The following RHBDD1 variants were observed in gnomAD, a reference collection of about 807,000 sequenced individuals.
The protein encoded by RHBDD1 is rhomboid domain containing 1.
A neutral mutation model predicts 36.3 loss-of-function variants in RHBDD1; 38 were observed. The observed-to-expected ratio is 1.05, with a 90% CI of 0.81 to 1.37. The LOEUF (loss-of-function observed/expected upper bound fraction) is 1.37. RHBDD1 is among the 40% of genes most tolerant of loss of function. The pLI is 0.00. For synonymous variants in RHBDD1, 151 were observed against 136.5 expected (o/e 1.11, Z -0.74); for missense variants, 393 against 377.6 (o/e 1.04, Z -0.34).
chr2:226,848,122 T>C (rs1663835669), intron 3 of RHBDD1, among the ~76,000 whole-genome samples: 1 of 151,516 alleles, frequency 6.6e-6, no homozygotes, highest in South Asian at 2.1e-4. Context: ...TTAAAACGGA[T>C]TTTTTTTTAA....
chr2:226,857,373 TCA>T lies in RHBDD1; in HGVS notation c.-90-7228_-90-7227del, dbSNP rs367854150. Among the ~76,000 whole-genome samples, 64 of 152,220 alleles carry T rather than the reference TCA, an allele frequency of 4.2e-4. No individual in the cohort carries two copies. The South Asian group carries it at 9.3e-3, about 22-fold the overall frequency. On this transcript the variant is annotated intron_variant, in intron 3 of 8. Coordinates refer to ENST00000392062, the MANE Select transcript of RHBDD1 (RefSeq NM_001167608.3). ...AGGGTGTAGAAATTTGGAAAAAATTTCACAGTTACTCAGAAAGTTAAACATAA... is the reference window on the plus strand; with the variant it reads ...AGGGTGTAGAAATTTGGAAAAAATTTCAGTTACTCAGAAAGTTAAACATAA...
At chr2:226,813,209 CCA>C in the RHBDD1 span, among the ~76,000 whole-genome samples, 1 of 152,192 alleles carries the variant, frequency 6.6e-6, no homozygotes, top group Non-Finnish European at 1.5e-5. Flanking sequence ...ACAATACAAA[CCA>C]CACACACAAG....
At chr2:226,877,480 T>C (rs1301673746) in intron 5 of RHBDD1, among the ~76,000 whole-genome samples, 1 of 152,078 alleles carries the variant, frequency 6.6e-6, no homozygotes, top group African/African-American at 2.4e-5. Flanking sequence ...ATCTTATCAT[T>C]GACAACAAAT....
chr2:226,882,944 A>G (rs1284118702), intron 5 of RHBDD1, among the ~76,000 whole-genome samples: 1 of 152,156 alleles, frequency 6.6e-6, no homozygotes, highest in Admixed American at 6.5e-5. Flanking sequence ...GTTCTCTTAC[A>G]TCCCTTCTTA....
intron 8 of RHBDD1, among the ~76,000 whole-genome samples, chr2:226,971,571 G>T (rs80279835): frequency 0.015 from 2,271 of 152,280 alleles, 47 homozygotes; most frequent in African/African-American, 0.052. Flanking sequence ...CCACTTTCAG[G>T]TCATAATCCA....
intron 8 of RHBDD1, among the ~76,000 whole-genome samples, chr2:226,929,455 T>G (rs958210536): frequency 3.9e-5 from 6 of 152,068 alleles, no homozygotes; most frequent in African/African-American, 1.4e-4. Context: ...CAGCATCCAT[T>G]TATGATAAAA....
At chr2:226,965,491 A>G (rs1405266260) in intron 8 of RHBDD1, among the ~76,000 whole-genome samples, 1 of 152,248 alleles carries the variant, frequency 6.6e-6, no homozygotes, top group East Asian at 1.9e-4. Flanking sequence ...TCCAGGCAAG[A>G]GAGGACTGCG....
chr2:226,899,341 A>G (rs1835159), intron 5 of RHBDD1, among the ~76,000 whole-genome samples: 67,778 of 152,050 alleles, frequency 0.45, 15,273 homozygotes, highest in South Asian at 0.52. Flanking sequence ...TATCCCATAT[A>G]AATAATGTAT....
At chr2:226,866,303 C>T (rs1944333590) in intron 4 of RHBDD1, among the ~76,000 whole-genome samples, 1 of 152,172 alleles carries the variant, frequency 6.6e-6, no homozygotes, top group South Asian at 2.1e-4. Flanking sequence ...ATCTCTTGAC[C>T]TTGTGATTCA....
At chr2:226,842,098 T>C (rs2124980692) in intron 3 of RHBDD1, among the ~76,000 whole-genome samples, 1 of 152,368 alleles carries the variant, frequency 6.6e-6, no homozygotes, top group African/African-American at 2.4e-5. Flanking sequence ...ATGTTTTCTT[T>C]TGAGAAGTGT....
At chr2:226,829,048 C>T in the RHBDD1 span, among the ~76,000 whole-genome samples, 2 of 152,074 alleles carry the variant, frequency 1.3e-5, no homozygotes, top group Non-Finnish European at 2.9e-5. Flanking sequence ...AGCCTATGAT[C>T]CCTTTGGAGT....
chr2:226,903,310 T>G (rs1371650497), intron 5 of RHBDD1, among the ~76,000 whole-genome samples: 1 of 152,208 alleles, frequency 6.6e-6, no homozygotes, highest in Admixed American at 6.5e-5. Flanking sequence ...TTATAAGTTT[T>G]AAATTTCACA....
intron 5 of RHBDD1, among the ~76,000 whole-genome samples, chr2:226,901,725 G>A (rs1049761377): frequency 4.6e-5 from 7 of 152,102 alleles, no homozygotes; most frequent in Non-Finnish European, 1.0e-4. Flanking sequence ...GACTATATTT[G>A]CAAACCATAT....
the RHBDD1 span, among the ~76,000 whole-genome samples, chr2:226,802,560 G>A: frequency 2.0e-5 from 3 of 152,292 alleles, no homozygotes; most frequent in African/African-American, 7.2e-5. Context: ...GAGCAGGTAT[G>A]GGTATTATTC....
intron 8 of RHBDD1, among the ~76,000 whole-genome samples, chr2:226,953,038 A>G (rs1022126835): frequency 1.3e-5 from 2 of 152,196 alleles, no homozygotes; most frequent in African/African-American, 4.8e-5. Context: ...ATCACATTCC[A>G]GTTCTTATTG....
At chr2:226,964,945 A>G (rs1044509669) in intron 8 of RHBDD1, among the ~76,000 whole-genome samples, 2 of 152,236 alleles carry the variant, frequency 1.3e-5, no homozygotes, top group African/African-American at 4.8e-5. Flanking sequence ...GAGGAGTAAC[A>G]TAATCTAACT....
upstream of RHBDD1, among the ~76,000 whole-genome samples, chr2:226,831,322 T>C (rs1298092148): frequency 2.0e-5 from 3 of 152,212 alleles, no homozygotes; most frequent in Non-Finnish European, 4.4e-5. Context: ...TGGGTTGAAC[T>C]GTGTCATCCA....
At chr2:226,927,334 GT>G (rs11453624) in intron 8 of RHBDD1, among the ~76,000 whole-genome samples, 2 of 150,752 alleles carry the variant, frequency 1.3e-5, no homozygotes, top group African/African-American at 2.4e-5. Context: ...TATACCAGAA[GT>G]TTTTTTTTGT....
intron 8 of RHBDD1, among the ~76,000 whole-genome samples, chr2:226,926,992 G>A (rs968693147): frequency 2.6e-5 from 4 of 151,874 alleles, no homozygotes; most frequent in Admixed American, 6.6e-5. Flanking sequence ...ACTCCGTGTG[G>A]TGTACACTTA....
Sources: allele counts gnomAD v4.1 joint callset (sites outside exome capture counted in the v4.1 genomes callset), GRCh38; gene constraint gnomAD v4.1.1; transcripts MANE v1.5; gene names NCBI Gene and HGNC (gene_info 2026-07-23, HGNC 2026-07-21).